Variants in WDR44 observed in about 807,000 individuals in gnomAD.
WDR44 encodes the protein WD repeat-containing protein 44.
Under a neutral mutation model 65.7 loss-of-function variants are expected in WDR44, and 9 were observed. The ratio of observed to expected loss-of-function variants is 0.14; its 90% CI spans 0.08 to 0.24. The LOEUF is 0.24. Among genes scored for constraint, WDR44 ranks in the 10% least tolerant of loss-of-function variants. WDR44 has a pLI of 1.00. For synonymous variants in WDR44, 220 were observed against 235.2 expected, an observed-to-expected ratio of 0.94 and a Z score of 0.59; for missense variants, 425 against 670.9, an observed-to-expected ratio of 0.63 and a Z score of 4.05.
chrX:118,437,584 T>C (rs1050213217), intron 14 of WDR44, among the ~76,000 whole-genome samples: 2 of 112,351 alleles, frequency 1.8e-5, no homozygotes, highest in Non-Finnish European at 1.9e-5. Flanking sequence ...GGTGTCCTCA[T>C]CTTTATATGT....
chrX:118,379,699 A>G (rs2056697285), intron 2 of WDR44, among the ~76,000 whole-genome samples: 1 of 111,718 alleles, frequency 9.0e-6, no homozygotes, highest in Admixed American at 9.6e-5. Flanking sequence ...TACACAAGAG[A>G]CTTGAAAACT....
chrX:118,439,912 G>T (rs751561215), intron 14 of WDR44, among the ~76,000 whole-genome samples: 31 of 108,977 alleles, frequency 2.8e-4, no homozygotes, highest in African/African-American at 1.0e-3. Context: ...TTGAGGCCAG[G>T]AGTTTGAGAC....
chrX:118,395,288 G>A lies in WDR44; in HGVS notation c.997G>A (p.Glu333Lys), dbSNP rs1175349573. 6 of 1,209,334 alleles carry A rather than the reference G, an allele frequency of 5.0e-6. No homozygotes were observed. The African/African-American group carries it at 5.2e-5, about 11-fold the overall frequency. Residue 333 changes from glutamate to lysine, a missense_variant, in exon 6 of 20, where the codon GAA becomes AAA. By Grantham distance (56) the Glu-to-Lys change is moderately conservative. Around this residue, in one of 5 missense-constraint regions of WDR44, gnomAD observed 77 missense variants for 183.5 expected, o/e 0.42. Transcript: ENST00000254029. Reference protein sequence around the residue: ...KAPDGQTVAGEVMGPQRPRSN... With the variant: ...KAPDGQTVAGKVMGPQRPRSN... Reference sequence around the variant, plus strand: ...ACCTGATGGGCAGACTGTAGCAGGTGAAGTGATGGGCCCTCAGAGACCTAG... The same window carrying A: ...ACCTGATGGGCAGACTGTAGCAGGTAAAGTGATGGGCCCTCAGAGACCTAG...
At chrX:118,372,387 C>G (rs1307769951) in intron 1 of WDR44, among the ~76,000 whole-genome samples, 1 of 111,438 alleles carries the variant, frequency 9.0e-6, no homozygotes, top group African/African-American at 3.3e-5. Context: ...TCTTTAGGCA[C>G]ATAAACACTG....
chrX:118,385,300 A>G (rs1021081013), intron 2 of WDR44, among the ~76,000 whole-genome samples: 2 of 112,490 alleles, frequency 1.8e-5, no homozygotes, highest in Admixed American at 9.4e-5. Flanking sequence ...TAGTACATAT[A>G]CACCATGGAA....
intron 12 of WDR44, among the ~76,000 whole-genome samples, chrX:118,427,522 G>A (rs1284763865): frequency 9.3e-6 from 1 of 108,089 alleles, no homozygotes; most frequent in African/African-American, 3.4e-5. Context: ...TGCCCTCCTC[G>A]GCCTCCCAAA....
rs933150842 is a variant in WDR44, at chrX:118,409,402, T to A, written c.1534-87T>A. 23 of 1,041,558 alleles carry A rather than the reference T, an allele frequency of 2.2e-5. No individual in the cohort carries two copies. In the Middle Eastern group the frequency reaches 1.1e-3, roughly 48 times the overall value. The allele number at this position is 1,041,558 out of a possible 1,213,427, so 85.8% of individuals were successfully genotyped here. ...GCCTCAGCCTCCCAAAGTGCTGAGA[T>A]TACAGACGTGAGCCACCATGCCAGG... is the stretch of plus-strand genomic sequence containing the variant. On this transcript the variant is annotated intron_variant, in intron 10 of 19. Transcript: ENST00000254029.
intron 1 of WDR44, among the ~76,000 whole-genome samples, chrX:118,377,723 C>T (rs867050732): frequency 7.6e-5 from 6 of 78,743 alleles, no homozygotes; most frequent in Admixed American, 1.6e-4. Flanking sequence ...TCTTCTCTCT[C>T]TTTTTTTTTT....
chrX:118,347,596 T>C (rs1303916338), intron 1 of WDR44, among the ~76,000 whole-genome samples: 1 of 112,430 alleles, frequency 8.9e-6, no homozygotes, highest in Non-Finnish European at 1.9e-5. Flanking sequence ...AGGACTAATA[T>C]GGTTCGAGAA....
intron 1 of WDR44, among the ~76,000 whole-genome samples, chrX:118,375,506 A>AC (rs1157694471): frequency 3.8e-5 from 3 of 78,347 alleles, no homozygotes; most frequent in South Asian, 1.4e-3. Context: ...GTAAAGTGAG[A>AC]CCCCATCTCA....
At chrX:118,401,990 C>T (rs1364485258) in intron 8 of WDR44, among the ~76,000 whole-genome samples, 1 of 107,659 alleles carries the variant, frequency 9.3e-6, no homozygotes, top group Non-Finnish European at 1.9e-5. Flanking sequence ...AGTTTGTCAA[C>T]TTGCTGTTTT....
intron 1 of WDR44, among the ~76,000 whole-genome samples, chrX:118,364,707 T>C (rs1374047973): frequency 1.8e-5 from 2 of 112,186 alleles, no homozygotes; most frequent in Non-Finnish European, 3.8e-5. Flanking sequence ...GCTTTAGAAA[T>C]AGAAACAAGA....
rs756014138 is a variant in WDR44, at chrX:118,425,770, A to C, written c.1738-7011A>C. Among the ~76,000 whole-genome samples the C allele has an allele frequency of 2.7e-5, 3 of 111,893 alleles. No individual in the cohort carries two copies. The South Asian group carries it at 1.1e-3, about 42-fold the overall frequency. ...CCTTATAATTTTCCATAGCAATCCA[A>C]CTTTATAATATCTTTAGATAGGCCG... On this transcript the variant is annotated intron_variant, in intron 12 of 19. Coordinates refer to ENST00000254029, the MANE Select transcript of WDR44 (RefSeq NM_019045.5).
rs762485693 is a variant in WDR44 at position 118,424,339 on chromosome X, A to ATATATATATATG, written c.1738-8433_1738-8432insATGTATATATAT. Among the ~76,000 whole-genome samples the ATATATATATATG allele has an allele frequency of 4.0e-3, 343 of 85,273 alleles. 7 individuals carry two copies. The highest frequency in any genetic ancestry group is 0.019 in the African/African-American group (311 of 16,652). The allele number at this position is 85,273 out of a possible 115,157, so 74.0% of individuals were successfully genotyped here. On this transcript the variant is annotated intron_variant, in intron 12 of 19. Coordinates refer to ENST00000254029, the MANE Select transcript of WDR44 (RefSeq NM_019045.5). ...TGTGTGTGTGTATATATATATATAT[A>ATATATATATATG]TATATATATGTATATATATATAATG... is the stretch of plus-strand genomic sequence containing the variant.
Position 118,432,807 on chromosome X carries a change from T to C in WDR44, c.1764T>C (p.Pro588=). ...TGVCSGTDED[P]DDKNAPFRQR... ...TATGCAGTGGAACTGATGAAGACCC[T>C]GATGATAAAAACGCACCCTTTCGGC... Residue 588 remains proline (P), a synonymous_variant, in exon 13 of 20, where the codon CCT becomes CCC. Coordinates refer to ENST00000254029, the MANE Select transcript of WDR44 (RefSeq NM_019045.5). 2 of 1,211,310 alleles carry C rather than the reference T, an allele frequency of 1.7e-6. No individual in the cohort carries two copies. The highest frequency in any genetic ancestry group is 2.2e-6 in the Non-Finnish European group (2 of 894,842).
intron 13 of WDR44, among the ~76,000 whole-genome samples, chrX:118,433,796 A>G (rs1344905793): frequency 1.8e-5 from 2 of 111,921 alleles, no homozygotes; most frequent in East Asian, 2.8e-4. Flanking sequence ...AATATTAGCA[A>G]TGATCGTCAT....
chrX:118,406,885 T>C lies in WDR44; in HGVS notation c.1392T>C (p.Thr464=). 1 of 1,208,216 alleles carries C rather than the reference T, an allele frequency of 8.3e-7. No individual in the cohort carries two copies. Among genetic ancestry groups the C allele is most frequent in the Non-Finnish European group, 1.1e-6 (1 of 893,798 alleles). The part of the protein sequence containing the change: ...VKSVRDEVFH[T]DQDDPSSSDD... ...TGCTTTTCTGTTCAGTGTTTCATAC[T>C]GATCAAGATGATCCTTCATCAAGTG... Residue 464 remains threonine (T), a synonymous_variant, in exon 10 of 20, where the codon ACT becomes ACC. Coordinates refer to ENST00000254029, the MANE Select transcript of WDR44 (RefSeq NM_019045.5).
Position 118,378,451 on chromosome X carries a change from A to G in WDR44, c.110A>G (p.Lys37Arg). 1.7e-6 allele frequency: 2 copies of G among 1,206,406 alleles called. No individual in the cohort carries two copies. The highest frequency in any genetic ancestry group is 3.6e-5 in the South Asian group (2 of 56,217). ...GGAAAAGTTGGGCTTTCAACATTCA[A>G]GGTAAGTTGTGCTTTCTGAAAGTTA... ...SPGKVGLSTF[K>R]ETENTAYKVG... is the part of the protein sequence containing the mutation. Residue 37 changes from lysine (K) to arginine (R), a missense_variant and splice_region_variant, in exon 2 of 20, where the codon AAG (lysine) becomes AGG (arginine). Lys to Arg is a conservative substitution (Grantham distance 26). This residue lies in a region of WDR44 where 193 missense variants were observed against 209.0 expected (regional missense o/e 0.92). Transcript: ENST00000254029.
chrX:118,372,347 A>G (rs2056620820), intron 1 of WDR44, among the ~76,000 whole-genome samples: 1 of 111,166 alleles, frequency 9.0e-6, no homozygotes, highest in Admixed American at 9.6e-5. Flanking sequence ...TCTCCCTCCC[A>G]TCCCCAAACT....
Sources: allele counts gnomAD v4.1 joint callset (sites outside exome capture counted in the v4.1 genomes callset), GRCh38; gene constraint gnomAD v4.1.1; regional missense constraint gnomAD v4.1.1; transcripts MANE v1.5; gene names NCBI Gene and HGNC (gene_info 2026-07-23, HGNC 2026-07-21).